The following CYP4F22 variants were observed in gnomAD, a reference collection of about 807,000 sequenced individuals.
CYP4F22 encodes cytochrome P450 family 4 subfamily F member 22.
In CYP4F22, 37 loss-of-function variants were observed where a neutral mutation model predicts 60.4. That is an observed-to-expected ratio of 0.61 (90% confidence interval 0.47 to 0.81). The LOEUF (loss-of-function observed/expected upper bound fraction) is 0.81, where lower values mean the gene tolerates loss of function less well. Among genes scored for constraint, CYP4F22 ranks in the 30% least tolerant of loss-of-function variants. The probability of loss-of-function intolerance (pLI) is 0.00; values close to 1 mark genes in which losing one functional copy is unlikely to be tolerated. For synonymous variants in CYP4F22, 258 were observed against 280.5 expected (o/e 0.92, Z 0.80); for missense variants, 655 against 715.0 (o/e 0.92, Z 0.96).
chr19:15,540,825 G>A (rs1231537582), intron 8 of CYP4F22, 108 bp downstream of exon 8: 28 of 1,415,840 alleles, frequency 2.0e-5, no homozygotes, highest in Non-Finnish European at 2.6e-5. Flanking sequence ...TGGCTCACAC[G>A]TGTAATCCCA....
intron 1 of CYP4F22, chr19:15,516,569 A>G: frequency 3.9e-6 from 1 of 257,024 alleles, no homozygotes. Context: ...TGCCTTGCTG[A>G]GAAAACTTAT....
intron 4 of CYP4F22, among the ~76,000 whole-genome samples, chr19:15,533,994 A>G (rs1971370334): frequency 6.6e-6 from 1 of 152,154 alleles, no homozygotes; most frequent in Non-Finnish European, 1.5e-5. Flanking sequence ...GTCATATGGA[A>G]TTCTGTACTT....
chr19:15,522,764 G>T (rs1361484360), intron 1 of CYP4F22, among the ~76,000 whole-genome samples: 1 of 152,120 alleles, frequency 6.6e-6, no homozygotes, highest in Non-Finnish European at 1.5e-5. Context: ...AGGCTGGAGT[G>T]CAGTGGCACG....
At chr19:15,540,379 T>C (rs1971443128) in intron 7 of CYP4F22, 71 bp from the exon 8 acceptor site, 1 of 1,599,044 alleles carries the variant, frequency 6.3e-7, no homozygotes, top group African/African-American at 1.3e-5. Context: ...AGGAGGCTTA[T>C]CTTAGCCAAG....
intron 4 of CYP4F22, among the ~76,000 whole-genome samples, chr19:15,537,073 T>A (rs1215569267): frequency 6.6e-6 from 1 of 151,922 alleles, no homozygotes; most frequent in East Asian, 1.9e-4. Context: ...CTGAGGTGGG[T>A]GGATCACTTG....
chr19:15,537,907 C>G lies in CYP4F22; in HGVS notation c.585C>G (p.Val195=). ...GGCATCTGGCAGAGGGCTCAGCGGT[C>G]TCCCTTGATATGTTTGAGCATATCA... is the stretch of plus-strand genomic sequence containing the variant. ...KWRHLAEGSA[V]SLDMFEHISL... Residue 195 remains valine, a synonymous_variant, in exon 7 of 14, where the codon GTC becomes GTG. Transcript: ENST00000269703. 8 of 1,614,186 alleles carry G rather than the reference C, an allele frequency of 5.0e-6. No homozygotes were observed. Among genetic ancestry groups the G allele is most frequent in the Non-Finnish European group, 6.8e-6 (8 of 1,180,040 alleles).
intron 1 of CYP4F22, among the ~76,000 whole-genome samples, chr19:15,512,357 A>G (rs1397370683): frequency 6.6e-6 from 1 of 152,136 alleles, no homozygotes; most frequent in Non-Finnish European, 1.5e-5. Context: ...TTTGAGATAG[A>G]GTCTCACTCT....
intron 5 of CYP4F22, 59 bp from the exon 6 acceptor site, chr19:15,537,476 T>C (rs942677357): frequency 1.9e-6 from 3 of 1,613,952 alleles, no homozygotes; most frequent in East Asian, 4.5e-5. Flanking sequence ...GAGCATGGGG[T>C]TCCTTGGAAG....
rs185816804 is a variant in CYP4F22 at position 15,550,134 on chromosome 19, T to C, written c.1336-540T>C. Among the ~76,000 whole-genome samples the C allele has an allele frequency of 5.6e-3, 848 of 152,168 alleles. 10 individuals carry two copies. The highest frequency in any genetic ancestry group is 0.02 in the African/African-American group (822 of 41,484). ...TTAGTAGAGATGGGGTTTCACCATG[T>C]TGGCCAGGCTGGTCTTGAACTCCTG... On this transcript the variant is annotated intron_variant, in intron 12 of 13. Coordinates refer to ENST00000269703, the MANE Select transcript of CYP4F22 (RefSeq NM_173483.4).
At chr19:15,528,579 C>G (rs1971308442) in intron 3 of CYP4F22, among the ~76,000 whole-genome samples, 1 of 150,816 alleles carries the variant, frequency 6.6e-6, no homozygotes. Context: ...GTCTTCTTCC[C>G]CTATCTCATG....
chr19:15,551,165 A>C, intron 13 of CYP4F22, 129 bp from the exon 14 acceptor site: 1 of 1,217,910 alleles, frequency 8.2e-7, no homozygotes, highest in Non-Finnish European at 1.2e-6. Flanking sequence ...ACCCTCACCC[A>C]GCGTGGGGTT....
chr19:15,529,933 C>T, intron 4 of CYP4F22, 80 bp downstream of exon 4: 4 of 1,587,300 alleles, frequency 2.5e-6, no homozygotes, highest in Non-Finnish European at 3.5e-6. Flanking sequence ...GGTGGGATAT[C>T]CAGAGGAAGG....
At position 15,543,952 on chromosome 19, in the gene CYP4F22, C is replaced by T. The variant is rs1971492509; in HGVS notation, c.940-19C>T. The T allele has an allele frequency of 1.9e-6, 3 of 1,613,796 alleles. No homozygotes were observed. Among genetic ancestry groups the T allele is most frequent in the Non-Finnish European group, 2.5e-6 (3 of 1,179,964 alleles). ...GGGTGGGATGAAGTGGGCTGAGCAC[C>T]CTCTACTGCCCATTCCAGGATGAAG... is the stretch of plus-strand genomic sequence containing the variant. On this transcript the variant is annotated intron_variant, in intron 8 of 13. Transcript: ENST00000269703.
At chr19:15,524,467 T>C (rs1971258296) in intron 2 of CYP4F22, among the ~76,000 whole-genome samples, 1 of 151,988 alleles carries the variant, frequency 6.6e-6, no homozygotes, top group Admixed American at 6.6e-5. Flanking sequence ...CTGGGCAACA[T>C]GGCAAAATCC....
intron 8 of CYP4F22, 75 bp from the exon 9 acceptor site, chr19:15,543,896 T>A: frequency 4.3e-6 from 6 of 1,401,010 alleles, no homozygotes; most frequent in Non-Finnish European, 6.0e-6. Flanking sequence ...CGGGGAGATA[T>A]CTGAGTTTTG....
At chr19:15,514,844 C>T (rs151191029) in intron 1 of CYP4F22, among the ~76,000 whole-genome samples, 7 of 152,148 alleles carry the variant, frequency 4.6e-5, no homozygotes, top group East Asian at 1.9e-4. Flanking sequence ...GTGGTGGGGC[C>T]GTGGCACACT....
intron 4 of CYP4F22, among the ~76,000 whole-genome samples, chr19:15,534,388 A>G (rs1971373930): frequency 6.6e-6 from 1 of 152,160 alleles, no homozygotes; most frequent in South Asian, 2.1e-4. Flanking sequence ...CTTTCTGAGC[A>G]TGAGTTTCTC....
intron 10 of CYP4F22, among the ~76,000 whole-genome samples, chr19:15,544,782 C>T (rs542807365): frequency 6.6e-5 from 10 of 152,160 alleles, no homozygotes; most frequent in Non-Finnish European, 8.8e-5. Flanking sequence ...TTGCTTGGGC[C>T]GGGTGGGGTG....
Position 15,551,340 on chromosome 19 carries a change from G to A in CYP4F22, c.1465G>A (p.Val489Met). The stretch of plus-strand genomic sequence containing the variant: ...CGCCATGGCCGAGTTGCGCGTGGTT[G>A]TGGCACTAACACTGCTACGTTTCCG... ...SFAMAELRVV[V>M]ALTLLRFRLS... Residue 489 changes from valine (V) to methionine (M), a missense_variant, in exon 14 of 14, where the codon GTG becomes ATG. This residue lies in a region of CYP4F22 where 151 missense variants were observed against 139.4 expected (regional missense o/e 1.08). Transcript: ENST00000269703. The A allele has an allele frequency of 6.2e-7, 1 of 1,613,642 alleles. No homozygotes were observed. The highest frequency in any genetic ancestry group is 8.5e-7 in the Non-Finnish European group (1 of 1,179,804).
Sources: allele counts gnomAD v4.1 joint callset (sites outside exome capture counted in the v4.1 genomes callset), GRCh38; gene constraint gnomAD v4.1.1; regional missense constraint gnomAD v4.1.1; transcripts MANE v1.5; gene names NCBI Gene and HGNC (gene_info 2026-07-23, HGNC 2026-07-21).